Variants in COL11A1 observed in about 807,000 individuals in gnomAD.
COL11A1 encodes the protein collagen alpha-1(XI) chain.
In COL11A1, 74 loss-of-function variants were observed where a neutral mutation model predicts 265.2. The observed-to-expected ratio is 0.28, with a 90% CI of 0.23 to 0.34. COL11A1 has a LOEUF of 0.34. COL11A1 is among the 10% of genes least tolerant of loss of function. COL11A1 has a pLI of 1.00. For missense variants in COL11A1, 2,165 were observed against 2,263.6 expected, an observed-to-expected ratio of 0.96 and a Z score of 0.88; for synonymous variants, 816 against 727.6, an observed-to-expected ratio of 1.12 and a Z score of -1.96.
At chr1:102,947,106 G>T (rs1659374712) in intron 41 of COL11A1, 150 bp from the exon 42 acceptor site, 2 of 726,982 alleles carry the variant, frequency 2.8e-6, no homozygotes, top group African/African-American at 1.8e-5. Flanking sequence ...AAGAGAAACA[G>T]TTGAATCCAC....
At chr1:103,012,694 A>G (rs1666228572) in intron 13 of COL11A1, among the ~76,000 whole-genome samples, 1 of 152,202 alleles carries the variant, frequency 6.6e-6, no homozygotes, top group Non-Finnish European at 1.5e-5. Context: ...AAAATCTTGT[A>G]ATATATATTG....
chr1:103,074,531 G>A (rs1025216147), intron 4 of COL11A1, 87 bp downstream of exon 4: 5 of 1,428,296 alleles, frequency 3.5e-6, no homozygotes, highest in Middle Eastern at 2.0e-4. Flanking sequence ...GCTTTATAAC[G>A]TATTGCTATA....
chr1:102,920,265 T>G, intron 49 of COL11A1, 46 bp downstream of exon 49: 1 of 1,540,044 alleles, frequency 6.5e-7, no homozygotes, highest in Non-Finnish European at 9.0e-7. Flanking sequence ...ATTATTACAG[T>G]TCTTAATTCA....
intron 54 of COL11A1, among the ~76,000 whole-genome samples, chr1:102,908,228 A>G (rs1004500185): frequency 6.6e-6 from 1 of 151,550 alleles, no homozygotes; most frequent in Admixed American, 6.6e-5. Context: ...ATTTTTTTCT[A>G]TTGTTTTTTC....
At chr1:102,885,552 CA>C (rs1437182450) in intron 63 of COL11A1, among the ~76,000 whole-genome samples, 1 of 151,844 alleles carries the variant, frequency 6.6e-6, no homozygotes, top group Non-Finnish European at 1.5e-5. Flanking sequence ...ATATCTTTAA[CA>C]AAAACATCTA....
intron 49 of COL11A1, among the ~76,000 whole-genome samples, chr1:102,916,627 T>C (rs1199459114): frequency 6.6e-6 from 1 of 152,050 alleles, no homozygotes; most frequent in African/African-American, 2.4e-5. Flanking sequence ...ACAAACATAA[T>C]TTCAGGGCAG....
chr1:102,948,982 A>G (rs978322968), intron 41 of COL11A1, among the ~76,000 whole-genome samples: 8 of 152,056 alleles, frequency 5.3e-5, no homozygotes, highest in African/African-American at 1.9e-4. Context: ...AGAAAAAAGT[A>G]TAGGAGGTGG....
chr1:102,977,674 A>T (rs1662631922), intron 35 of COL11A1, among the ~76,000 whole-genome samples: 1 of 152,164 alleles, frequency 6.6e-6, no homozygotes, highest in African/African-American at 2.4e-5. Context: ...AATGTCCCTT[A>T]TTAAAATGAC....
At chr1:103,010,538 T>C (rs1479429416) in intron 14 of COL11A1, among the ~76,000 whole-genome samples, 1 of 152,172 alleles carries the variant, frequency 6.6e-6, no homozygotes, top group Non-Finnish European at 1.5e-5. Context: ...TGGCTCTTAA[T>C]GGTTGTTTAA....
intron 51 of COL11A1, 101 bp from the exon 52 acceptor site, chr1:102,914,506 G>T: frequency 8.4e-7 from 1 of 1,192,974 alleles, no homozygotes; most frequent in Non-Finnish European, 1.2e-6. Flanking sequence ...GACAAAACCT[G>T]CTGAGAATAT....
intron 4 of COL11A1, among the ~76,000 whole-genome samples, chr1:103,068,997 C>A (rs1310290550): frequency 1.3e-5 from 2 of 151,662 alleles, no homozygotes; most frequent in Non-Finnish European, 3.0e-5. Context: ...CAATTGTCTT[C>A]ATTATGATCT....
Position 102,914,348 on chromosome 1 carries a change from T to C in COL11A1, c.3978+4A>G, listed in dbSNP as rs1255959388. ...TAATTTCTTGATTTTTCCCTGATAC[T>C]TACTGCAGGGCCAGGTTCCCCAGGA... On this transcript the variant is annotated splice_donor_region_variant and intron_variant, in intron 52 of 66. Transcript: ENST00000370096. 6.2e-7 allele frequency: 1 copy of C among 1,602,070 alleles called. No homozygotes were observed. The highest frequency in any genetic ancestry group is 2.2e-5 in the East Asian group (1 of 44,752).
intron 15 of COL11A1, among the ~76,000 whole-genome samples, chr1:103,008,058 A>G (rs2971984): frequency 0.044 from 6,731 of 152,200 alleles, 253 homozygotes; most frequent in African/African-American, 0.098. Flanking sequence ...GGAGTCAAGG[A>G]AAACTAAAAT....
chr1:102,987,564 G>T, intron 30 of COL11A1, 69 bp downstream of exon 30: 1 of 1,199,930 alleles, frequency 8.3e-7, no homozygotes, highest in Non-Finnish European at 1.2e-6. Flanking sequence ...ACCAGTTATT[G>T]AAAGAAATTT....
intron 25 of COL11A1, among the ~76,000 whole-genome samples, chr1:102,997,669 C>A (rs934936761): frequency 1.3e-5 from 2 of 151,680 alleles, no homozygotes; most frequent in Non-Finnish European, 2.9e-5. Flanking sequence ...AATCTTATAT[C>A]CTAGTACTAC....
At chr1:103,059,191 A>G (rs1055602622) in intron 4 of COL11A1, among the ~76,000 whole-genome samples, 3 of 152,192 alleles carry the variant, frequency 2.0e-5, no homozygotes, top group Middle Eastern at 3.2e-3. Context: ...TGTGAAAGAA[A>G]GGAAATTCCC....
chr1:103,087,714 G>A (rs6577352), intron 1 of COL11A1, among the ~76,000 whole-genome samples: 144,776 of 152,270 alleles, frequency 0.95, 69,256 homozygotes, highest in East Asian at 1. Context: ...AATATACCTG[G>A]TAATGCATCT....
chr1:103,051,386 C>T (rs1022425607), intron 4 of COL11A1, among the ~76,000 whole-genome samples: 10 of 152,162 alleles, frequency 6.6e-5, no homozygotes, highest in African/African-American at 1.7e-4. Context: ...TCCGTGGGCA[C>T]GTAGGACCCT....
chr1:102,881,650 C>A (rs746079859), intron 65 of COL11A1, 47 bp downstream of exon 65: 3 of 1,415,178 alleles, frequency 2.1e-6, no homozygotes, highest in Non-Finnish European at 3.0e-6. Context: ...CAGAATGTCA[C>A]TTCTTGAGTT....
Sources: allele counts gnomAD v4.1 joint callset (sites outside exome capture counted in the v4.1 genomes callset), GRCh38; gene constraint gnomAD v4.1.1; transcripts MANE v1.5; gene names NCBI Gene and HGNC (gene_info 2026-07-23, HGNC 2026-07-21).